Variants in SPAG16 observed in about 807,000 individuals in gnomAD.
SPAG16 encodes the protein sperm associated antigen 16, also known as sperm-associated antigen 16 protein.
In SPAG16, 86 loss-of-function variants were observed where a neutral mutation model predicts 80.4. The ratio of observed to expected loss-of-function variants is 1.07; its 90% CI spans 0.90 to 1.28. The LOEUF is 1.28. Ranked by LOEUF, SPAG16 falls within the 50% of genes most tolerant of loss-of-function variation. SPAG16 has a pLI of 0.00. For synonymous variants in SPAG16, 294 were observed against 265.9 expected (o/e 1.11, Z -1.03); for missense variants, 870 against 765.3 (o/e 1.14, Z -1.61).
intron 13 of SPAG16, among the ~76,000 whole-genome samples, chr2:214,036,683 C>T (rs59465924): frequency 6.6e-6 from 1 of 152,128 alleles, no homozygotes; most frequent in African/African-American, 2.4e-5. Context: ...AATATATTCA[C>T]TTACATGTTT....
At chr2:214,399,729 C>T (rs1337700903) in intron 15 of SPAG16, among the ~76,000 whole-genome samples, 1 of 151,610 alleles carries the variant, frequency 6.6e-6, no homozygotes, top group Non-Finnish European at 1.5e-5. Flanking sequence ...AAATATAAGC[C>T]CTTGGTTCCT....
rs1436869359 is a variant in SPAG16, at chr2:214,049,608, A to G, written c.1527+35531A>G. Among the ~76,000 whole-genome samples the G allele has an allele frequency of 3.9e-5, 6 of 152,234 alleles. No homozygotes were observed. The East Asian group carries it at 9.6e-4, about 24-fold the overall frequency. On this transcript the variant is annotated intron_variant, in intron 13 of 15. Coordinates refer to ENST00000331683, the MANE Select transcript of SPAG16 (RefSeq NM_024532.5). ...TTAAATAAATGTTTTCCATCATACCATATAGTATTATTTTTCTAATGTGTC... is the reference window on the plus strand; with the variant it reads ...TTAAATAAATGTTTTCCATCATACCGTATAGTATTATTTTTCTAATGTGTC...
At chr2:214,215,555 A>G (rs1416973148) in intron 15 of SPAG16, among the ~76,000 whole-genome samples, 1 of 152,192 alleles carries the variant, frequency 6.6e-6, no homozygotes, top group African/African-American at 2.4e-5. Flanking sequence ...TTTCAAATAA[A>G]GTCTCTCCTT....
intron 10 of SPAG16, among the ~76,000 whole-genome samples, chr2:213,749,095 C>T (rs1195653647): frequency 6.6e-6 from 1 of 151,962 alleles, no homozygotes; most frequent in Non-Finnish European, 1.5e-5. Flanking sequence ...TGCAGTGAGC[C>T]GAGATCGCGC....
intron 11 of SPAG16, among the ~76,000 whole-genome samples, chr2:213,925,496 T>C (rs1022282236): frequency 6.6e-6 from 1 of 152,028 alleles, no homozygotes; most frequent in Non-Finnish European, 1.5e-5. Context: ...GGGCTACATG[T>C]GTCCACTACC....
chr2:213,386,573 A>G (rs67086240), intron 9 of SPAG16, among the ~76,000 whole-genome samples: 59,511 of 152,022 alleles, frequency 0.39, 12,380 homozygotes, highest in East Asian at 0.67. Flanking sequence ...AGACAATTGT[A>G]TATCTTTACT....
chr2:213,726,320 C>A (rs1468650801), intron 10 of SPAG16, among the ~76,000 whole-genome samples: 4 of 152,204 alleles, frequency 2.6e-5, no homozygotes, highest in Non-Finnish European at 5.9e-5. Flanking sequence ...GAGATCCAGT[C>A]CTCCACAGTG....
chr2:213,804,794 A>G (rs1023083148), intron 10 of SPAG16, among the ~76,000 whole-genome samples: 2 of 152,188 alleles, frequency 1.3e-5, no homozygotes, highest in Non-Finnish European at 2.9e-5. Context: ...ATAAGAAACC[A>G]AGAGAAGACG....
intron 10 of SPAG16, among the ~76,000 whole-genome samples, chr2:213,778,804 A>G (rs920683812): frequency 2.6e-5 from 4 of 152,204 alleles, no homozygotes; most frequent in African/African-American, 9.6e-5. Flanking sequence ...CTCTTATGCA[A>G]CTGGAAAGCC....
chr2:213,543,371 A>AT (rs1029491848), intron 10 of SPAG16, among the ~76,000 whole-genome samples: 7 of 151,698 alleles, frequency 4.6e-5, no homozygotes, highest in African/African-American at 1.7e-4. Flanking sequence ...GAACTTCTCT[A>AT]TTTTTTATTG....
chr2:214,065,366 A>G (rs1040658872), intron 13 of SPAG16, among the ~76,000 whole-genome samples: 6 of 152,280 alleles, frequency 3.9e-5, no homozygotes, highest in Non-Finnish European at 8.8e-5. Flanking sequence ...TCGCATCACA[A>G]TACTTAGAAC....
chr2:213,959,685 C>T (rs1398646534), intron 12 of SPAG16, among the ~76,000 whole-genome samples: 1 of 152,178 alleles, frequency 6.6e-6, no homozygotes, highest in African/African-American at 2.4e-5. Context: ...TGGTTGAGCT[C>T]CCTGATGCCT....
chr2:214,329,021 A>T (rs1191906744), intron 15 of SPAG16, among the ~76,000 whole-genome samples: 1 of 152,230 alleles, frequency 6.6e-6, no homozygotes, highest in African/African-American at 2.4e-5. Flanking sequence ...TTAGCCGAGG[A>T]TACAAAGATG....
chr2:213,702,992 GA>G (rs2065556103), intron 10 of SPAG16, among the ~76,000 whole-genome samples: 1 of 152,186 alleles, frequency 6.6e-6, no homozygotes, highest in South Asian at 2.1e-4. Flanking sequence ...CCCACAATGT[GA>G]AACTCAGGTG....
At chr2:213,967,441 G>A (rs1249602670) in intron 12 of SPAG16, among the ~76,000 whole-genome samples, 1 of 152,060 alleles carries the variant, frequency 6.6e-6, no homozygotes, top group Non-Finnish European at 1.5e-5. Flanking sequence ...AGAGAGACAT[G>A]TTTAACTCAC....
chr2:214,252,832 A>G (rs1690395007), intron 15 of SPAG16, among the ~76,000 whole-genome samples: 1 of 152,104 alleles, frequency 6.6e-6, no homozygotes, highest in Non-Finnish European at 1.5e-5. Flanking sequence ...TGCTGGGTCA[A>G]ATGGTATTTC....
At chr2:213,353,373 C>G (rs533805717) in intron 7 of SPAG16, among the ~76,000 whole-genome samples, 1 of 152,158 alleles carries the variant, frequency 6.6e-6, no homozygotes, top group East Asian at 1.9e-4. Flanking sequence ...ATTGGAAATA[C>G]AAGCCATGAG....
intron 15 of SPAG16, among the ~76,000 whole-genome samples, chr2:214,176,590 G>T (rs1427725682): frequency 6.6e-6 from 1 of 151,246 alleles, no homozygotes; most frequent in Non-Finnish European, 1.5e-5. Context: ...CTAACAAAAA[G>T]ATTCCTTTCC....
chr2:213,808,053 A>C (rs1310573213), intron 10 of SPAG16, among the ~76,000 whole-genome samples: 1 of 150,794 alleles, frequency 6.6e-6, no homozygotes, highest in Non-Finnish European at 1.5e-5. Context: ...GAGACACTGG[A>C]CAATGAGATC....
Sources: allele counts gnomAD v4.1 joint callset (sites outside exome capture counted in the v4.1 genomes callset), GRCh38; gene constraint gnomAD v4.1.1; transcripts MANE v1.5; gene names NCBI Gene and HGNC (gene_info 2026-07-23, HGNC 2026-07-21).